Variants in CAMTA1 observed in about 807,000 individuals in gnomAD.
CAMTA1 encodes calmodulin binding transcription activator 1, also known as calmodulin-binding transcription activator 1.
Under a neutral mutation model 170.9 loss-of-function variants are expected in CAMTA1, and 27 were observed. The observed-to-expected ratio is 0.16, with a 90% CI of 0.12 to 0.22. The LOEUF is 0.22. Among genes scored for constraint, CAMTA1 ranks in the 10% least tolerant of loss-of-function variants. The pLI is 1.00. For synonymous variants in CAMTA1, 833 were observed against 891.5 expected (o/e 0.93, Z 1.17); for missense variants, 1,619 against 2,217.2 (o/e 0.73, Z 5.42).
chr1:7,536,373 G>A (rs186668895), intron 6 of CAMTA1, among the ~76,000 whole-genome samples: 198 of 152,310 alleles, frequency 1.3e-3, no homozygotes, highest in Admixed American at 2.1e-3. Context: ...ATCAAAGGAC[G>A]GGGAGGAGGT....
At chr1:7,406,195 G>A (rs899693999) in intron 5 of CAMTA1, among the ~76,000 whole-genome samples, 2 of 152,242 alleles carry the variant, frequency 1.3e-5, no homozygotes, top group African/African-American at 4.8e-5. Flanking sequence ...ATGCCAAGTG[G>A]GCAATGTCCT....
chr1:7,567,834 CTCCGG>C (rs2095061554), intron 6 of CAMTA1, among the ~76,000 whole-genome samples: 1 of 152,194 alleles, frequency 6.6e-6, no homozygotes, highest in South Asian at 2.1e-4. Context: ...AGAGAGAAAA[CTCCGG>C]TCCCAAACAA....
At chr1:7,057,863 G>A (rs1030556277) in intron 3 of CAMTA1, among the ~76,000 whole-genome samples, 14 of 152,210 alleles carry the variant, frequency 9.2e-5, no homozygotes, top group Admixed American at 3.3e-4. Context: ...CCAACTTTTG[G>A]AGCCACAGCT....
chr1:6,850,001 A>G (rs1022009908), intron 3 of CAMTA1, among the ~76,000 whole-genome samples: 3 of 151,334 alleles, frequency 2.0e-5, no homozygotes, highest in African/African-American at 7.3e-5. Flanking sequence ...TGCAACTGCA[A>G]TCCAACCTGG....
At chr1:7,493,382 A>AACACGTGCACACAC (rs569852189) in intron 6 of CAMTA1, among the ~76,000 whole-genome samples, 4,079 of 27,420 alleles carry the variant, frequency 0.15, 708 homozygotes, top group East Asian at 0.52. Flanking sequence ...CGCACACACA[A>AACACGTGCACACAC]ACAAACACGT....
intron 5 of CAMTA1, among the ~76,000 whole-genome samples, chr1:7,432,102 A>T (rs2092188051): frequency 6.6e-6 from 1 of 152,202 alleles, no homozygotes; most frequent in Non-Finnish European, 1.5e-5. Context: ...GACAAAGTGG[A>T]CTAGAAACAA....
At chr1:7,103,973 A>G (rs547073930) in intron 4 of CAMTA1, among the ~76,000 whole-genome samples, 1 of 151,950 alleles carries the variant, frequency 6.6e-6, no homozygotes, top group East Asian at 1.9e-4. Context: ...ACACACACGC[A>G]CACACAACAC....
intron 4 of CAMTA1, among the ~76,000 whole-genome samples, chr1:7,244,112 T>G (rs1273023030): frequency 6.6e-6 from 1 of 152,182 alleles, no homozygotes; most frequent in Non-Finnish European, 1.5e-5. Flanking sequence ...AAAGAAGACA[T>G]TTATGCAGCC....
At chr1:7,683,181 CAAAAAAAAA>C (rs34814185) in intron 11 of CAMTA1, among the ~76,000 whole-genome samples, 32 of 89,506 alleles carry the variant, frequency 3.6e-4, no homozygotes, top group African/African-American at 1.3e-3. Context: ...GACTCTGTCT[CAAAAAAAAA>C]AAAAAAAAAG....
chr1:6,806,551 TA>T (rs1264652367), intron 1 of CAMTA1, among the ~76,000 whole-genome samples: 1 of 152,232 alleles, frequency 6.6e-6, no homozygotes, highest in Non-Finnish European at 1.5e-5. Context: ...TGTTTTAATT[TA>T]TTGATGTAGT....
intron 4 of CAMTA1, among the ~76,000 whole-genome samples, chr1:7,180,496 C>T (rs1651894279): frequency 6.7e-6 from 1 of 148,388 alleles, no homozygotes; most frequent in South Asian, 2.1e-4. Context: ...AGGAACTACC[C>T]CAAATGTCAC....
chr1:7,242,124 A>G (rs1303007681), intron 4 of CAMTA1, among the ~76,000 whole-genome samples: 2 of 152,220 alleles, frequency 1.3e-5, no homozygotes, highest in Admixed American at 6.5e-5. Context: ...AGGCAACTCA[A>G]TTAAAAATAG....
At chr1:7,486,214 C>G (rs1408312505) in intron 6 of CAMTA1, among the ~76,000 whole-genome samples, 1 of 152,218 alleles carries the variant, frequency 6.6e-6, no homozygotes, top group Non-Finnish European at 1.5e-5. Context: ...AAATGCCTAA[C>G]AGTTGGCTCT....
At chr1:7,479,927 GTA>G (rs1234039106) in intron 6 of CAMTA1, among the ~76,000 whole-genome samples, 7 of 102,934 alleles carry the variant, frequency 6.8e-5, no homozygotes, top group Non-Finnish European at 9.8e-5. Flanking sequence ...GTGTGAATGT[GTA>G]TATGTGTGTA....
intron 6 of CAMTA1, among the ~76,000 whole-genome samples, chr1:7,566,374 A>T (rs1227592416): frequency 2.0e-5 from 3 of 152,310 alleles, no homozygotes; most frequent in Middle Eastern, 3.4e-3. Context: ...CCTAGTGTAA[A>T]TAAGGCTGGT....
intron 6 of CAMTA1, among the ~76,000 whole-genome samples, chr1:7,572,690 G>A (rs2150343569): frequency 6.6e-6 from 1 of 152,266 alleles, no homozygotes; most frequent in Admixed American, 6.5e-5. Flanking sequence ...CCATCCCCGT[G>A]ACTCAATCAT....
At chr1:7,440,075 CCCA>C (rs2092473184) in intron 5 of CAMTA1, among the ~76,000 whole-genome samples, 1 of 152,242 alleles carries the variant, frequency 6.6e-6, no homozygotes, top group Non-Finnish European at 1.5e-5. Context: ...TCCCATGTGC[CCCA>C]CATCTCTGGC....
chr1:7,185,127 G>A (rs929564127), intron 4 of CAMTA1, among the ~76,000 whole-genome samples: 10 of 152,212 alleles, frequency 6.6e-5, no homozygotes, highest in African/African-American at 1.2e-4. Flanking sequence ...AATTAGTCCT[G>A]TGGTGTTGGG....
chr1:7,586,193 G>A (rs944809237), intron 6 of CAMTA1, among the ~76,000 whole-genome samples: 2 of 152,078 alleles, frequency 1.3e-5, no homozygotes, highest in Non-Finnish European at 2.9e-5. Context: ...CTCCAGTGTG[G>A]GCGGCCCCTC....
Sources: gnomAD v4.1 joint callset for allele counts (sites outside exome capture counted in the v4.1 genomes callset) on GRCh38, gnomAD v4.1.1 for gene constraint, MANE v1.5 for transcripts, NCBI Gene and HGNC (gene_info 2026-07-23, HGNC 2026-07-21) for gene names.